Variants in PPARA observed in about 807,000 individuals in gnomAD.
PPARA encodes peroxisome proliferator-activated receptor alpha.
In PPARA, 22 loss-of-function variants were observed where a neutral mutation model predicts 42.2. That is an observed-to-expected ratio of 0.52 (90% CI 0.37 to 0.74). PPARA has a LOEUF of 0.74. Ranked by LOEUF, PPARA falls within the 30% of genes least tolerant of loss-of-function variation. The pLI is 0.00. For missense variants in PPARA, 465 were observed against 608.2 expected (o/e 0.76, Z 2.48); for synonymous variants, 242 against 239.3 (o/e 1.01, Z -0.10).
chr22:46,202,277 G>A (rs951125913), intron 4 of PPARA, among the ~76,000 whole-genome samples: 2 of 152,166 alleles, frequency 1.3e-5, no homozygotes, highest in African/African-American at 4.8e-5. Context: ...GTGTCTTTTA[G>A]GTCATTGTCA....
chr22:46,223,197 C>A (rs895217061), intron 7 of PPARA, among the ~76,000 whole-genome samples: 1 of 152,104 alleles, frequency 6.6e-6, no homozygotes, highest in African/African-American at 2.4e-5. Context: ...TTCCTAACAA[C>A]CTGCCCCCAC....
intron 3 of PPARA, among the ~76,000 whole-genome samples, chr22:46,197,681 C>T (rs1932441200): frequency 1.3e-5 from 2 of 150,552 alleles, no homozygotes; most frequent in Non-Finnish European, 3.0e-5. Flanking sequence ...GCGGGCGGAT[C>T]ACCTGAAGTC....
In PPARA at chr22:46,232,385, C is replaced by A; in HGVS notation, c.1159+146C>A. ...TGGGAAGACGTCTGACCCCCAGTCA[C>A]TGCTGAGAATTCAGTGGGAATTATA... On this transcript the variant is annotated intron_variant, in intron 8 of 8. Coordinates refer to ENST00000407236, the MANE Select transcript of PPARA (RefSeq NM_005036.6). The surrounding 1 kb of genome is among the most constrained non-coding windows in gnomAD (Gnocchi z 5.3). The A allele has an allele frequency of 1.3e-6, 1 of 753,640 alleles. No individual in the cohort carries two copies. Among genetic ancestry groups the A allele is most frequent in the Non-Finnish European group, 2.4e-6 (1 of 424,580 alleles). The allele number at this position is 753,640 out of a possible 1,614,324, so 46.7% of individuals were successfully genotyped here.
intron 4 of PPARA, among the ~76,000 whole-genome samples, chr22:46,209,338 G>T (rs1448803220): frequency 1.3e-5 from 2 of 152,036 alleles, no homozygotes; most frequent in African/African-American, 4.8e-5. Flanking sequence ...GGTTCATTGA[G>T]CATCTGGGAT....
Position 46,231,729 on chromosome 22 carries a change from C to G in PPARA, c.712-63C>G. The G allele has an allele frequency of 6.6e-7, 1 of 1,518,888 alleles. No individual in the cohort carries two copies. Among genetic ancestry groups the G allele is most frequent in the Non-Finnish European group, 9.0e-7 (1 of 1,107,006 alleles). The allele number at this position is 1,518,888 out of a possible 1,614,324, so 94.1% of individuals were successfully genotyped here. ...GACGCAGGAGCTGCTCATTAGTGAG[C>G]TGATAGCTGGGAGCATAGCGCATCC... On this transcript the variant is annotated intron_variant, in intron 7 of 8. Transcript: ENST00000407236. The surrounding 1 kb of genome is among the most constrained non-coding windows in gnomAD (Gnocchi z 7.7).
rs532811456 is a variant in PPARA at position 46,150,704 on chromosome 22, G to C, written c.-210+52G>C. 7,428 of 148,538 alleles carry C rather than the reference G, an allele frequency of 0.05. 244 individuals are homozygous for C. The highest frequency in any genetic ancestry group is 0.072 in the Admixed American group (1,085 of 14,976). 9.2% of individuals were successfully genotyped at this position (148,538 alleles called of 1,614,324 possible). On this transcript the variant is annotated intron_variant, in intron 1 of 8. Coordinates refer to ENST00000407236, the MANE Select transcript of PPARA (RefSeq NM_005036.6). The surrounding 1 kb of genome is among the most constrained non-coding windows in gnomAD (Gnocchi z 7.5). ...GCGGGAACGCGCGCGGGGGTCCGCG[G>C]TCCGGGCTTCCCAGGTCCCGGGACC...
chr22:46,218,944 T>C (rs567459004), intron 6 of PPARA, among the ~76,000 whole-genome samples: 3 of 150,002 alleles, frequency 2.0e-5, no homozygotes, highest in South Asian at 2.1e-4. Flanking sequence ...GGTGGATCAC[T>C]TGAGGTCAGG....
intron 2 of PPARA, chr22:46,155,389 A>G (rs1345577492): frequency 6.6e-6 from 1 of 152,246 alleles, no homozygotes; most frequent in Non-Finnish European, 1.5e-5. Flanking sequence ...ATCTCAGCTC[A>G]CTGCAACCTC....
rs73886763 is a variant in PPARA at position 46,211,257 on chromosome 22, C to T, written c.209-3916C>T. On this transcript the variant is annotated intron_variant, in intron 4 of 8. Transcript: ENST00000407236. This position sits in a 1 kb window ranked among gnomAD's most constrained non-coding sequence, Gnocchi z 4.1. ...AGCCCTCATCTGTTACCAGATGGAT[C>T]GTTCTAGCCTCCTCCACTTGCCTAC... 0.026 allele frequency among the ~76,000 whole-genome samples: 3,972 copies of T among 152,274 alleles called. 177 individuals are homozygous for T. Among genetic ancestry groups the T allele is most frequent in the African/African-American group, 0.091 (3,787 of 41,536 alleles).
intron 4 of PPARA, among the ~76,000 whole-genome samples, chr22:46,205,543 TATATATATA>T (rs1411195237): frequency 5.8e-4 from 21 of 35,910 alleles, no homozygotes; most frequent in African/African-American, 2.3e-3. Flanking sequence ...TATATATATA[TATATATATA>T]TATTTTTTTT....
chr22:46,209,639 C>T (rs995662660), intron 4 of PPARA, among the ~76,000 whole-genome samples: 3 of 152,148 alleles, frequency 2.0e-5, no homozygotes, highest in African/African-American at 7.2e-5. Flanking sequence ...TTGTAGTTTT[C>T]ATAACTAGAA....
At chr22:46,198,048 A>G (rs188030402) in intron 3 of PPARA, among the ~76,000 whole-genome samples, 4,128 of 150,136 alleles carry the variant, frequency 0.027, 80 homozygotes, top group Non-Finnish European at 0.043. Context: ...TGGCTAACAC[A>G]GTGAAACCCG....
chr22:46,155,024 A>C (rs1030543034), intron 2 of PPARA: 13 of 144,988 alleles, frequency 9.0e-5, no homozygotes, highest in African/African-American at 3.1e-4. Context: ...AAAAAAAAAA[A>C]AAACCACATT....
rs1184800875 is a variant in PPARA, at chr22:46,222,055, C to A, written c.711+2041C>A. Among the ~76,000 whole-genome samples, 1 of 151,334 alleles carries A rather than the reference C, an allele frequency of 6.6e-6. No individual in the cohort carries two copies. Among genetic ancestry groups the A allele is most frequent in the Non-Finnish European group, 1.5e-5 (1 of 67,890 alleles). On this transcript the variant is annotated intron_variant, in intron 7 of 8. Coordinates refer to ENST00000407236, the MANE Select transcript of PPARA (RefSeq NM_005036.6). This position sits in a 1 kb window ranked among gnomAD's most constrained non-coding sequence, Gnocchi z 5.9. ...TCGCACCACTGCACTCCAGCTTGGGCAACAGAGTGAGACTCTGTCTCAAAA... is the reference window on the plus strand; with the variant it reads ...TCGCACCACTGCACTCCAGCTTGGGAAACAGAGTGAGACTCTGTCTCAAAA...
chr22:46,199,552 G>A (rs1388757516), intron 4 of PPARA, among the ~76,000 whole-genome samples: 1 of 152,116 alleles, frequency 6.6e-6, no homozygotes, highest in African/African-American at 2.4e-5. Flanking sequence ...GCTGAGGGAG[G>A]AGGACCACTT....
intron 3 of PPARA, among the ~76,000 whole-genome samples, chr22:46,179,119 G>A (rs959848181): frequency 6.6e-6 from 1 of 152,122 alleles, no homozygotes; most frequent in South Asian, 2.1e-4. Context: ...TCCTATCATG[G>A]GGGCCCCACC....
Position 46,167,048 on chromosome 22 carries a change from G to A in PPARA, c.-126-9705G>A, listed in dbSNP as rs1231474780. 1.3e-5 allele frequency among the ~76,000 whole-genome samples: 2 copies of A among 151,876 alleles called. No homozygotes were observed. The highest frequency in any genetic ancestry group is 2.9e-5 in the Non-Finnish European group (2 of 67,964). Reference sequence around the variant, plus strand: ...ATGAAAATAGACCATTAGATGAATGGAACAGAATAGCAAGTCCAGAAATAG... The same window carrying A: ...ATGAAAATAGACCATTAGATGAATGAAACAGAATAGCAAGTCCAGAAATAG... On this transcript the variant is annotated intron_variant, in intron 2 of 8. Coordinates refer to ENST00000407236, the MANE Select transcript of PPARA (RefSeq NM_005036.6). The surrounding 1 kb of genome is among the most constrained non-coding windows in gnomAD (Gnocchi z 4.1).
At position 46,207,677 on chromosome 22, in the gene PPARA, A is replaced by AT. The variant is rs764662561; in HGVS notation, c.209-7473dup. Among the ~76,000 whole-genome samples the AT allele has an allele frequency of 6.9e-4, 35 of 50,718 alleles. 2 individuals carry two copies. The highest frequency in any genetic ancestry group is 3.1e-3 in the East Asian group (5 of 1,602). 33.3% of individuals were successfully genotyped at this position (50,718 alleles called of 152,430 possible). On this transcript the variant is annotated intron_variant, in intron 4 of 8. Coordinates refer to ENST00000407236, the MANE Select transcript of PPARA (RefSeq NM_005036.6). ...TATTATTATTATTATTATTATTATTATTTTTTTTTTTTTTTTTTTTTTTAG... is the reference window on the plus strand; with the variant it reads ...TATTATTATTATTATTATTATTATTATTTTTTTTTTTTTTTTTTTTTTTTAG...
At position 46,162,883 on chromosome 22, in the gene PPARA, TA is replaced by T. The variant is rs1926423410; in HGVS notation, c.-127+10914del. Among the ~76,000 whole-genome samples, 1 of 152,246 alleles carries T rather than the reference TA, an allele frequency of 6.6e-6. No individual in the cohort carries two copies. Among genetic ancestry groups the T allele is most frequent in the Admixed American group, 6.5e-5 (1 of 15,282 alleles). The stretch of plus-strand genomic sequence containing the variant: ...ATTCTGCCTTCACTTGAGCAGCTAT[TA>T]GGGGCATATGTCAGTCATTCATTCC... On this transcript the variant is annotated intron_variant, in intron 2 of 8. Transcript: ENST00000407236. This position sits in a 1 kb window ranked among gnomAD's most constrained non-coding sequence, Gnocchi z 6.0.
Sources: allele counts gnomAD v4.1 joint callset (sites outside exome capture counted in the v4.1 genomes callset), GRCh38; gene constraint gnomAD v4.1.1; non-coding constraint Gnocchi (gnomAD v3.1); transcripts MANE v1.5; gene names NCBI Gene and HGNC (gene_info 2026-07-23, HGNC 2026-07-21).